The following ANO3 variants were observed in gnomAD, a reference collection of about 807,000 sequenced individuals.
ANO3 encodes anoctamin 3.
Under a neutral mutation model 144.8 loss-of-function variants are expected in ANO3, and 99 were observed. The ratio of observed to expected loss-of-function variants is 0.68; its 90% CI spans 0.58 to 0.81. ANO3 has a LOEUF of 0.81. Ranked by LOEUF, ANO3 falls within the 30% of genes least tolerant of loss-of-function variation. ANO3 has a pLI of 0.00. For synonymous variants in ANO3, 414 were observed against 392.6 expected (o/e 1.05, Z -0.64); for missense variants, 905 against 1,202.2 (o/e 0.75, Z 3.66).
chr11:26,230,558 A>G (rs1216543823), intron 1 of ANO3, among the ~76,000 whole-genome samples: 1 of 151,922 alleles, frequency 6.6e-6, no homozygotes, highest in Non-Finnish European at 1.5e-5. Context: ...GCATTTTGGG[A>G]GGCCAAGGTG....
intron 18 of ANO3, among the ~76,000 whole-genome samples, chr11:26,632,552 T>TAA (rs1852819505): frequency 6.8e-6 from 1 of 146,974 alleles, no homozygotes; most frequent in Non-Finnish European, 1.5e-5. Context: ...AAAATATATA[T>TAA]AATATATAAA....
intron 5 of ANO3, among the ~76,000 whole-genome samples, chr11:26,509,311 A>ACT (rs1861560673): frequency 6.6e-6 from 1 of 151,574 alleles, no homozygotes; most frequent in African/African-American, 2.4e-5. Flanking sequence ...AACCTAAGTT[A>ACT]CTTTTTTTCT....
chr11:26,543,966 G>T (rs1849711434), intron 11 of ANO3, among the ~76,000 whole-genome samples: 1 of 151,654 alleles, frequency 6.6e-6, no homozygotes, highest in African/African-American at 2.4e-5. Context: ...TCAGAACCAA[G>T]ATGTTTTATT....
chr11:26,565,551 G>T (rs1249038345), intron 14 of ANO3: 2 of 1,613,356 alleles, frequency 1.2e-6, no homozygotes, highest in South Asian at 2.2e-5. Flanking sequence ...AATGGTAGAT[G>T]TGGGTTTTAG....
intron 1 of ANO3, among the ~76,000 whole-genome samples, chr11:26,259,444 T>C (rs894750706): frequency 3.3e-5 from 5 of 151,956 alleles, no homozygotes; most frequent in African/African-American, 1.2e-4. Context: ...GGTCAAGAGA[T>C]TGAGACCATC....
chr11:26,454,226 C>T (rs977718699), intron 3 of ANO3, among the ~76,000 whole-genome samples: 6 of 152,118 alleles, frequency 3.9e-5, no homozygotes, highest in Admixed American at 1.3e-4. Context: ...TAACTAAAAT[C>T]AGAGCAGAAC....
chr11:26,339,336 G>A (rs1855289467), intron 1 of ANO3, among the ~76,000 whole-genome samples: 1 of 152,032 alleles, frequency 6.6e-6, no homozygotes, highest in South Asian at 2.1e-4. Context: ...TGTATTTTTA[G>A]TAGAGATGGG....
At chr11:26,317,809 G>T (rs1328796496) in intron 1 of ANO3, among the ~76,000 whole-genome samples, 2 of 152,150 alleles carry the variant, frequency 1.3e-5, no homozygotes, top group African/African-American at 4.8e-5. Flanking sequence ...ACATGCATAC[G>T]TATGTTTATT....
intron 5 of ANO3, among the ~76,000 whole-genome samples, chr11:26,509,831 T>G (rs962780948): frequency 1.3e-5 from 2 of 152,068 alleles, no homozygotes; most frequent in Non-Finnish European, 2.9e-5. Context: ...AACTGTAGTT[T>G]GGGGTAGCCC....
chr11:26,417,093 A>G (rs773846583), intron 1 of ANO3, among the ~76,000 whole-genome samples: 26 of 152,230 alleles, frequency 1.7e-4, no homozygotes, highest in Admixed American at 9.2e-4. Context: ...CCATGGCACA[A>G]GAGCAAGATT....
chr11:26,193,471 C>T (rs1851519116), intron 1 of ANO3, among the ~76,000 whole-genome samples: 1 of 152,132 alleles, frequency 6.6e-6, no homozygotes, highest in African/African-American at 2.4e-5. Flanking sequence ...GACCAATAAA[C>T]TATCTGTGTT....
At chr11:26,324,879 C>T (rs1293083028) in intron 1 of ANO3, among the ~76,000 whole-genome samples, 1 of 152,054 alleles carries the variant, frequency 6.6e-6, no homozygotes, top group African/African-American at 2.4e-5. Context: ...GTATTAAATA[C>T]CTTAAAAAAT....
chr11:26,267,139 A>G (rs1268714800), intron 1 of ANO3, among the ~76,000 whole-genome samples: 3 of 151,838 alleles, frequency 2.0e-5, no homozygotes, highest in Non-Finnish European at 2.9e-5. Context: ...TTTTGTATAT[A>G]AAGTCAAACA....
At chr11:26,292,974 C>G (rs1267040128) in intron 1 of ANO3, among the ~76,000 whole-genome samples, 2 of 152,186 alleles carry the variant, frequency 1.3e-5, no homozygotes, top group African/African-American at 2.4e-5. Flanking sequence ...GTTGGAAATG[C>G]AGAAATCACC....
At chr11:26,210,390 T>C (rs571950042) in intron 1 of ANO3, among the ~76,000 whole-genome samples, 24 of 152,316 alleles carry the variant, frequency 1.6e-4, no homozygotes, top group African/African-American at 5.5e-4. Flanking sequence ...ACTGTAGCCT[T>C]GTAGTATAGT....
intron 1 of ANO3, among the ~76,000 whole-genome samples, chr11:26,254,228 G>A (rs937892704): frequency 8.5e-5 from 13 of 152,110 alleles, no homozygotes; most frequent in African/African-American, 3.1e-4. Flanking sequence ...AAAGACTATA[G>A]CTGCCCCAAT....
chr11:26,436,107 G>A (rs1394249408), intron 1 of ANO3, among the ~76,000 whole-genome samples: 2 of 152,172 alleles, frequency 1.3e-5, no homozygotes, highest in African/African-American at 2.4e-5. Flanking sequence ...AGGCAGTCCT[G>A]TTCAGTGAGG....
chr11:26,264,150 G>T (rs1853255978), intron 1 of ANO3, among the ~76,000 whole-genome samples: 1 of 152,182 alleles, frequency 6.6e-6, no homozygotes, highest in African/African-American at 2.4e-5. Flanking sequence ...GGAAGATTCT[G>T]CAAGTTGTTC....
At chr11:26,276,626 A>G (rs1348218891) in intron 1 of ANO3, among the ~76,000 whole-genome samples, 1 of 152,094 alleles carries the variant, frequency 6.6e-6, no homozygotes, top group Non-Finnish European at 1.5e-5. Context: ...AAACAGCATC[A>G]CCCACTTTGT....
Sources: allele counts gnomAD v4.1 joint callset (sites outside exome capture counted in the v4.1 genomes callset), GRCh38; gene constraint gnomAD v4.1.1; transcripts MANE v1.5; gene names NCBI Gene and HGNC (gene_info 2026-07-23, HGNC 2026-07-21).